RCL1: variants seen among roughly 807,000 people sequenced by gnomAD.
The protein encoded by RCL1 is RNA 3'-terminal phosphate cyclase-like protein.
A neutral mutation model predicts 42.4 loss-of-function variants in RCL1; 24 were observed. That is an observed-to-expected ratio of 0.57 (90% CI 0.41 to 0.80). The LOEUF (loss-of-function observed/expected upper bound fraction) is 0.80, where lower values mean the gene tolerates loss of function less well. RCL1 is among the 30% of genes least tolerant of loss of function. The pLI is 0.00. For missense variants in RCL1, 578 were observed against 467.9 expected (o/e 1.24, Z -2.17); for synonymous variants, 228 against 177.3 (o/e 1.29, Z -2.27).
At chr9:4,795,867 C>T (rs973905088) in intron 1 of RCL1, among the ~76,000 whole-genome samples, 1 of 152,078 alleles carries the variant, frequency 6.6e-6, no homozygotes, top group African/African-American at 2.4e-5. Context: ...AAGCTGGTTG[C>T]CCCTGTTCTC....
chr9:4,842,568 A>G (rs1368864571), intron 6 of RCL1, among the ~76,000 whole-genome samples: 1 of 152,174 alleles, frequency 6.6e-6, no homozygotes. Context: ...TATTCTAGTA[A>G]CAACAGTATT....
In RCL1 at chr9:4,860,754, C is replaced by A. The variant is rs917511655; in HGVS notation, c.*479C>A. The A allele has an allele frequency of 6.5e-6, 1 of 153,700 alleles. No individual in the cohort carries two copies. The allele number at this position is 153,700 out of a possible 1,614,324, so 9.5% of individuals were successfully genotyped here. A position where few individuals can be genotyped will look rare whatever the true frequency, so the allele number is the denominator to read the frequency against. ...ATATGAGTGGCAGCTCTTCATGAGT[C>A]CTGCAGTGCTAAGCAAATGTCAGAA... On this transcript the variant is annotated 3_prime_UTR_variant, in exon 9 of 9. Transcript: ENST00000381750.
chr9:4,849,541 C>G lies in RCL1; in HGVS notation c.962C>G (p.Ser321Cys), dbSNP rs780424429. ...DVSKVLLGPL[S>C]PYTIEFLRHL... ...TCCAAAGTCCTGCTAGGCCCTCTCT[C>G]TCCCTACACGTAAGTTATTCTTTTT... is the stretch of plus-strand genomic sequence containing the variant. The change falls in exon 8 of 9, where the codon TCT (serine) becomes TGT (cysteine). Residue 321 changes from serine to cysteine, a missense_variant. Ser to Cys is a moderately radical substitution (Grantham distance 112). Transcript: ENST00000381750. The G allele has an allele frequency of 2.2e-4, 351 of 1,609,540 alleles. No homozygotes were observed. Among genetic ancestry groups the G allele is most frequent in the Non-Finnish European group, 2.9e-4 (339 of 1,176,190 alleles).
At chr9:4,821,557 G>T (rs1816597124) in intron 1 of RCL1, among the ~76,000 whole-genome samples, 1 of 152,230 alleles carries the variant, frequency 6.6e-6, no homozygotes, top group Admixed American at 6.5e-5. Context: ...GCTAGTATCT[G>T]GCAAGGGCCT....
intron 1 of RCL1, among the ~76,000 whole-genome samples, chr9:4,823,216 G>A (rs1041623778): frequency 3.3e-5 from 5 of 151,292 alleles, no homozygotes; most frequent in East Asian, 3.9e-4. Context: ...CCTGAGTTCA[G>A]AAGAATAGGT....
At chr9:4,846,977 C>T (rs1587729049) in intron 7 of RCL1, among the ~76,000 whole-genome samples, 1 of 151,092 alleles carries the variant, frequency 6.6e-6, no homozygotes, top group East Asian at 1.9e-4. Flanking sequence ...CCTCTGCCTT[C>T]TGGGTTCAAG....
chr9:4,842,310 G>A lies in RCL1; in HGVS notation c.710+953G>A, dbSNP rs866159705. ...ATCCTTTTTCACAGCTGTTTCACCT[G>A]TGGTTTCTTTTAATTTCAGCAAAAA... is the stretch of plus-strand genomic sequence containing the variant. On this transcript the variant is annotated intron_variant, in intron 6 of 8. Transcript: ENST00000381750. Among the ~76,000 whole-genome samples, 3 of 152,268 alleles carry A rather than the reference G, an allele frequency of 2.0e-5. No homozygotes were observed. The Middle Eastern group carries it at 0.01, about 518-fold the overall frequency.
rs116783550 is a variant in RCL1, at chr9:4,825,979, C to T, written c.209-879C>T. Among the ~76,000 whole-genome samples the T allele has an allele frequency of 2.8e-3, 418 of 151,370 alleles. 2 individuals carry two copies. The highest frequency in any genetic ancestry group is 9.6e-3 in the African/African-American group (396 of 41,222). ...GTGTGGTAGCATGTGCCTAGGGTCT[C>T]AGCACTTTGGGAGGCTGAGGTGGGA... On this transcript the variant is annotated intron_variant, in intron 2 of 8. Coordinates refer to ENST00000381750, the MANE Select transcript of RCL1 (RefSeq NM_005772.5).
intron 7 of RCL1, among the ~76,000 whole-genome samples, chr9:4,845,858 T>G (rs77728709): frequency 0.018 from 2,794 of 152,322 alleles, 86 homozygotes; most frequent in African/African-American, 0.064. Context: ...AGAGACTTCT[T>G]TCTTTGTATT....
At chr9:4,821,194 A>C (rs1816586393) in intron 1 of RCL1, among the ~76,000 whole-genome samples, 2 of 152,200 alleles carry the variant, frequency 1.3e-5, no homozygotes, top group Non-Finnish European at 2.9e-5. Flanking sequence ...AGCCTGAAGC[A>C]GGAGGATCAC....
chr9:4,846,719 C>T (rs1168186357), intron 7 of RCL1, among the ~76,000 whole-genome samples: 1 of 151,986 alleles, frequency 6.6e-6, no homozygotes, highest in East Asian at 1.9e-4. Context: ...TCTAATAGAC[C>T]TTGGGAGAAT....
At chr9:4,826,533 T>C (rs1052907699) in intron 2 of RCL1, among the ~76,000 whole-genome samples, 2 of 152,208 alleles carry the variant, frequency 1.3e-5, no homozygotes, top group East Asian at 1.9e-4. Context: ...GTCAGCCTAG[T>C]CTGAGAATGT....
At chr9:4,814,497 G>C (rs1322972231) in intron 1 of RCL1, among the ~76,000 whole-genome samples, 1 of 152,034 alleles carries the variant, frequency 6.6e-6, no homozygotes, top group Non-Finnish European at 1.5e-5. Flanking sequence ...CCAACTCCTG[G>C]GCATGATCAT....
Position 4,793,208 on chromosome 9 carries a change from C to G in RCL1, c.117C>G (p.Asp39Glu), listed in dbSNP as rs752653824. 3 of 1,604,100 alleles carry G rather than the reference C, an allele frequency of 1.9e-6. No homozygotes were observed. Among genetic ancestry groups the G allele is most frequent in the Non-Finnish European group, 2.6e-6 (3 of 1,175,536 alleles). The change falls in exon 1 of 9, where the codon GAC (aspartate) becomes GAG (glutamate). Residue 39 changes from aspartate (D) to glutamate (E), a missense_variant. By Grantham distance (45) the Asp-to-Glu change is conservative. Transcript: ENST00000381750. ...AAATCCGAAAGATTCGGGCCAGAGA[C>G]GACAACCCGGGCCTCCGAGGTAACT... The part of the protein sequence containing the change: ...PVKIRKIRAR[D>E]DNPGLRDFEA...
intron 1 of RCL1, among the ~76,000 whole-genome samples, chr9:4,795,406 G>A (rs1237081303): frequency 6.6e-6 from 1 of 152,074 alleles, no homozygotes; most frequent in Non-Finnish European, 1.5e-5. Flanking sequence ...TCTTACAGAG[G>A]GAACAGAGAG....
chr9:4,815,985 C>T (rs1399444331), intron 1 of RCL1, among the ~76,000 whole-genome samples: 1 of 152,114 alleles, frequency 6.6e-6, no homozygotes, highest in Non-Finnish European at 1.5e-5. Context: ...CTGTGGTCAT[C>T]TCGAGTTTCT....
chr9:4,844,736 C>A, intron 7 of RCL1, 55 bp downstream of exon 7: 1 of 1,549,726 alleles, frequency 6.5e-7, no homozygotes, highest in Non-Finnish European at 8.8e-7. Context: ...TTTGTTTTCT[C>A]ATTCTCATCT....
chr9:4,810,037 G>A (rs186426810), intron 1 of RCL1, among the ~76,000 whole-genome samples: 113 of 152,206 alleles, frequency 7.4e-4, no homozygotes, highest in African/African-American at 2.4e-3. Context: ...GGCTGGTCTC[G>A]AACTCCTGGC....
rs538140872 is a variant in RCL1 at position 4,797,992 on chromosome 9, T to C, written c.136+4765T>C. On this transcript the variant is annotated intron_variant, in intron 1 of 8. Coordinates refer to ENST00000381750, the MANE Select transcript of RCL1 (RefSeq NM_005772.5). Reference sequence around the variant, plus strand: ...TTATCTCATTGTACTCTTCCTTTCATTGAAGAGGAAGTAAATATTTTTTCT... The same window carrying C: ...TTATCTCATTGTACTCTTCCTTTCACTGAAGAGGAAGTAAATATTTTTTCT... Among the ~76,000 whole-genome samples the C allele has an allele frequency of 5.3e-5, 8 of 152,346 alleles. No homozygotes were observed. In the East Asian group the frequency reaches 1.2e-3, roughly 22 times the overall value.
Sources: gnomAD v4.1 joint callset for allele counts (sites outside exome capture counted in the v4.1 genomes callset) on GRCh38, gnomAD v4.1.1 for gene constraint, MANE v1.5 for transcripts, NCBI Gene and HGNC (gene_info 2026-07-23, HGNC 2026-07-21) for gene names.